The following SDK1 variants were observed in gnomAD, a reference collection of about 807,000 sequenced individuals.
The protein encoded by SDK1 is sidekick cell adhesion molecule 1.
Under a neutral mutation model 245.5 loss-of-function variants are expected in SDK1, and 157 were observed. The observed-to-expected ratio is 0.64, with a 90% CI of 0.56 to 0.73. The LOEUF is 0.73. Ranked by LOEUF, SDK1 falls within the 30% of genes least tolerant of loss-of-function variation. The pLI is 0.00. For missense variants in SDK1, 3,583 were observed against 3,002.3 expected (o/e 1.19, Z -4.52); for synonymous variants, 1,647 against 1,278.5 (o/e 1.29, Z -6.15).
intron 5 of SDK1, among the ~76,000 whole-genome samples, chr7:3,916,745 C>T (rs1779393754): frequency 6.6e-6 from 1 of 152,154 alleles, no homozygotes; most frequent in South Asian, 2.1e-4. Context: ...CAATATTCTT[C>T]CCAAATTCTA....
chr7:3,467,212 A>AT (rs1471479206), intron 1 of SDK1, among the ~76,000 whole-genome samples: 3 of 152,166 alleles, frequency 2.0e-5, no homozygotes, highest in African/African-American at 7.2e-5. Context: ...CTACTTTACA[A>AT]TATTAAAGCA....
At position 3,988,070 on chromosome 7, in the gene SDK1, G is replaced by T. The variant is rs576065971; in HGVS notation, c.2131+748G>T. On this transcript the variant is annotated intron_variant, in intron 14 of 44. Coordinates refer to ENST00000404826, the MANE Select transcript of SDK1 (RefSeq NM_152744.4). The stretch of plus-strand genomic sequence containing the variant: ...TATGGGGCCCAGCAACTTGACATCT[G>T]TATCGGGTTGTCTCACGGCCTCTCC... Among the ~76,000 whole-genome samples the T allele has an allele frequency of 1.4e-4, 21 of 149,442 alleles. No homozygotes were observed. The East Asian group carries it at 3.8e-3, about 27-fold the overall frequency.
intron 4 of SDK1, among the ~76,000 whole-genome samples, chr7:3,709,132 T>G (rs1365260880): frequency 6.6e-6 from 1 of 152,238 alleles, no homozygotes; most frequent in Non-Finnish European, 1.5e-5. Flanking sequence ...AGGGCTGGCC[T>G]GGTAGTGACA....
At chr7:4,261,194 C>A (rs1321790515) in intron 44 of SDK1, among the ~76,000 whole-genome samples, 2 of 152,138 alleles carry the variant, frequency 1.3e-5, no homozygotes, top group Admixed American at 6.6e-5. Context: ...GATCCAAGTC[C>A]CTAGGTGCCG....
chr7:3,716,047 T>C (rs550402520), intron 4 of SDK1, among the ~76,000 whole-genome samples: 69 of 148,826 alleles, frequency 4.6e-4, no homozygotes, highest in African/African-American at 1.4e-3. Flanking sequence ...AAGACAAAGA[T>C]AGATCGGTGA....
chr7:3,929,176 GT>G (rs1354165473), intron 5 of SDK1, among the ~76,000 whole-genome samples: 2 of 152,234 alleles, frequency 1.3e-5, no homozygotes, highest in African/African-American at 4.8e-5. Flanking sequence ...GTTATCTGAA[GT>G]TGGCTTATAT....
chr7:4,221,415 C>A, intron 40 of SDK1, 51 bp downstream of exon 40: 1 of 1,543,388 alleles, frequency 6.5e-7, no homozygotes, highest in South Asian at 1.2e-5. Flanking sequence ...GACGGCAGTG[C>A]TTCTAAGACT....
intron 35 of SDK1, among the ~76,000 whole-genome samples, chr7:4,182,221 C>T (rs1437500682): frequency 1.3e-5 from 2 of 152,174 alleles, no homozygotes; most frequent in African/African-American, 2.4e-5. Flanking sequence ...GCGGCTGCCA[C>T]TGCCCCAGGA....
chr7:3,498,955 C>A (rs970742485), intron 1 of SDK1, among the ~76,000 whole-genome samples: 2 of 152,158 alleles, frequency 1.3e-5, no homozygotes, highest in African/African-American at 4.8e-5. Flanking sequence ...TACTATTGAT[C>A]TGGCACTAAC....
At chr7:4,213,361 G>A (rs928692628) in intron 38 of SDK1, among the ~76,000 whole-genome samples, 14 of 151,674 alleles carry the variant, frequency 9.2e-5, no homozygotes, top group East Asian at 3.9e-4. Context: ...GCAGTGAGCC[G>A]AGATCGCGCC....
chr7:3,308,267 A>G (rs969966903), intron 1 of SDK1, among the ~76,000 whole-genome samples: 2 of 152,174 alleles, frequency 1.3e-5, no homozygotes, highest in Non-Finnish European at 2.9e-5. Flanking sequence ...GCAGTGAGAA[A>G]CTTAAAAAGA....
intron 1 of SDK1, among the ~76,000 whole-genome samples, chr7:3,319,859 T>A (rs6966619): frequency 0.59 from 83,529 of 141,688 alleles, 25,644 homozygotes; most frequent in African/African-American, 0.77. Context: ...CATTTGCCTA[T>A]ATCTAACCCA....
At chr7:3,396,200 A>T (rs1175919117) in intron 1 of SDK1, among the ~76,000 whole-genome samples, 1 of 151,802 alleles carries the variant, frequency 6.6e-6, no homozygotes, top group African/African-American at 2.4e-5. Flanking sequence ...TTGTAATTTT[A>T]AAAAAATTTT....
chr7:4,174,262 A>G lies in SDK1; in HGVS notation c.4841A>G (p.Tyr1614Cys). The G allele has an allele frequency of 1.2e-6, 2 of 1,614,046 alleles. No homozygotes were observed. Among genetic ancestry groups the G allele is most frequent in the Non-Finnish European group, 1.7e-6 (2 of 1,179,930 alleles). ...DESLNGLLQGYRIYYRELEYE... is the reference protein window; with the variant it reads ...DESLNGLLQGCRIYYRELEYE... ...AGCCTGAATGGCCTTCTTCAGGGAT[A>G]CAGGATCTACTACAGGGAGCTGGAG... Residue 1614 changes from tyrosine (Y) to cysteine (C), a missense_variant, in exon 33 of 45, where the codon TAC (tyrosine) becomes TGC (cysteine). By Grantham distance (194) the Tyr-to-Cys change is radical. Coordinates refer to ENST00000404826, the MANE Select transcript of SDK1 (RefSeq NM_152744.4).
chr7:4,017,772 A>G (rs1786533510), intron 17 of SDK1, among the ~76,000 whole-genome samples: 1 of 152,200 alleles, frequency 6.6e-6, no homozygotes, highest in Admixed American at 6.5e-5. Context: ...TAACGTGATT[A>G]CTGGTAATCG....
rs115730655 is a variant in SDK1, at chr7:4,154,698, C to T, written c.4626-3750C>T. 9.8e-3 allele frequency among the ~76,000 whole-genome samples: 1,491 copies of T among 152,284 alleles called. 21 individuals are homozygous for T. Among genetic ancestry groups the T allele is most frequent in the African/African-American group, 0.034 (1,404 of 41,548 alleles). On this transcript the variant is annotated intron_variant, in intron 30 of 44. Coordinates refer to ENST00000404826, the MANE Select transcript of SDK1 (RefSeq NM_152744.4). ...CCTGGAAGCCCCGGTGCTGCTATCT[C>T]CATGTCCATAGCCGAATACAGCAAG...
At chr7:3,723,678 G>A (rs1296570902) in intron 4 of SDK1, among the ~76,000 whole-genome samples, 2 of 150,276 alleles carry the variant, frequency 1.3e-5, no homozygotes, top group Non-Finnish European at 3.0e-5. Context: ...GTGTGTGTGT[G>A]TATACGTGTA....
intron 35 of SDK1, among the ~76,000 whole-genome samples, chr7:4,193,827 T>C (rs1435093298): frequency 6.6e-6 from 1 of 152,136 alleles, no homozygotes; most frequent in Non-Finnish European, 1.5e-5. Context: ...TTTCATCACT[T>C]TGTGCATTGA....
intron 4 of SDK1, among the ~76,000 whole-genome samples, chr7:3,787,179 C>CAT (rs1780928710): frequency 6.6e-6 from 1 of 151,722 alleles, no homozygotes; most frequent in South Asian, 2.1e-4. Context: ...CACACACACA[C>CAT]ACACACACTC....
Sources: gnomAD v4.1 joint callset for allele counts (sites outside exome capture counted in the v4.1 genomes callset) on GRCh38, gnomAD v4.1.1 for gene constraint, MANE v1.5 for transcripts, NCBI Gene and HGNC (gene_info 2026-07-23, HGNC 2026-07-21) for gene names.